The following DDX42 variants were observed in gnomAD, a reference collection of about 807,000 sequenced individuals.
DDX42 encodes the protein DEAD-box helicase 42.
DDX42 carries 22 observed loss-of-function variants against 101.5 expected under a neutral mutation model. That is an observed-to-expected ratio of 0.22 (90% CI 0.15 to 0.31). The LOEUF is 0.31. Among genes scored for constraint, DDX42 ranks in the 10% least tolerant of loss-of-function variants. The probability of loss-of-function intolerance (pLI) is 1.00; values close to 1 mark genes in which losing one functional copy is unlikely to be tolerated. For missense variants in DDX42, 849 were observed against 1,199.9 expected (o/e 0.71, Z 4.32); for synonymous variants, 402 against 401.2 (o/e 1.00, Z -0.02).
At position 63,817,891 on chromosome 17, in the gene DDX42, C is replaced by G. The variant is rs755679052; in HGVS notation, c.2310C>G (p.Gly770=). 5.6e-6 allele frequency: 9 copies of G among 1,614,204 alleles called. No homozygotes were observed. The highest frequency in any genetic ancestry group is 6.8e-6 in the Non-Finnish European group (8 of 1,180,030). Residue 770 remains glycine, a synonymous_variant, in exon 18 of 18, where the codon GGC becomes GGG. Transcript: ENST00000389924. The stretch of plus-strand genomic sequence containing the variant: ...GCATCCCAGGCTTTGGCAATACTGG[C>G]AACATCAGTGGTGCCCCTGTGACCT... ...AKGIPGFGNT[G]NISGAPVTYP... is the part of the protein sequence containing the mutation.
chr17:63,803,136 A>G (rs537728569), intron 6 of DDX42, among the ~76,000 whole-genome samples: 10 of 152,356 alleles, frequency 6.6e-5, no homozygotes, highest in Admixed American at 1.3e-4. Context: ...ATGACATTAC[A>G]AAGTCAAGCA....
intron 12 of DDX42, 26 bp from the exon 13 acceptor site, chr17:63,811,050 C>G: frequency 6.3e-7 from 1 of 1,595,900 alleles, no homozygotes; most frequent in Non-Finnish European, 8.6e-7. Flanking sequence ...TATTGTTTCT[C>G]TAACAGAATT....
chr17:63,787,234 T>C lies in DDX42; in HGVS notation c.185T>C (p.Ile62Thr). The part of the protein sequence containing the change: ...APPQLPSFYK[I>T]GSKRANFDEE... ...CCACAGCTTCCTTCTTTCTACAAAA[T>C]TGGATCTAAGCGGGCCAACTTTGAT... The change falls in exon 2 of 18, where the codon ATT becomes ACT. Residue 62 changes from isoleucine to threonine, a missense_variant. Coordinates refer to ENST00000389924, the MANE Select transcript of DDX42 (RefSeq NM_203499.3). The C allele has an allele frequency of 6.2e-7, 1 of 1,614,192 alleles. No homozygotes were observed. Among genetic ancestry groups the C allele is most frequent in the African/African-American group, 1.3e-5 (1 of 75,056 alleles).
intron 1 of DDX42, among the ~76,000 whole-genome samples, chr17:63,785,321 A>G (rs948351084): frequency 3.3e-5 from 5 of 151,908 alleles, no homozygotes; most frequent in African/African-American, 1.2e-4. Flanking sequence ...GTGGTGGTGC[A>G]CACTTGTAAT....
intron 1 of DDX42, among the ~76,000 whole-genome samples, chr17:63,780,626 G>A (rs962290124): frequency 1.3e-5 from 2 of 152,292 alleles, no homozygotes; most frequent in South Asian, 4.1e-4. Flanking sequence ...CCTAGAGTCA[G>A]TAATTGAGGG....
intron 3 of DDX42, among the ~76,000 whole-genome samples, chr17:63,793,669 G>A (rs759960535): frequency 6.6e-6 from 1 of 151,646 alleles, no homozygotes; most frequent in Non-Finnish European, 1.5e-5. Flanking sequence ...TGTTATTGTC[G>A]CACCCAAAAA....
At chr17:63,776,427 A>T (rs997965572) in intron 1 of DDX42, 1 of 152,308 alleles carries the variant, frequency 6.6e-6, no homozygotes, top group Non-Finnish European at 1.5e-5. Flanking sequence ...GTGATCTCTG[A>T]CATCTTCAGT....
rs559930952 is a variant in DDX42, at chr17:63,818,440, TAGAA to T, written c.*46_*49del. 4.7e-5 allele frequency: 74 copies of T among 1,566,354 alleles called. No individual in the cohort carries two copies. In the African/African-American group the frequency reaches 8.4e-4, roughly 18 times the overall value. ...CGTGAAATCAGTTGTCCTTAATTTT[TAGAA>T]AGATTTTGGTAACTAGGTGTCTCAG... On this transcript the variant is annotated 3_prime_UTR_variant, in exon 18 of 18. Transcript: ENST00000389924.
intron 4 of DDX42, 101 bp from the exon 5 acceptor site, chr17:63,799,488 G>T: frequency 7.8e-7 from 1 of 1,289,348 alleles, no homozygotes; most frequent in Non-Finnish European, 1.1e-6. Context: ...AGTGTTGAGA[G>T]TTCCTGTGCT....
At chr17:63,775,583 G>A in intron 1 of DDX42, among the ~76,000 whole-genome samples, 1 of 152,158 alleles carries the variant, frequency 6.6e-6, no homozygotes, top group East Asian at 1.9e-4. Flanking sequence ...GAGAGCCTAC[G>A]TTTATCTGGG....
chr17:63,784,507 G>A (rs1455992851), intron 1 of DDX42, among the ~76,000 whole-genome samples: 1 of 152,206 alleles, frequency 6.6e-6, no homozygotes, highest in African/African-American at 2.4e-5. Context: ...AGGCAAGGTG[G>A]TGTGAGTCAT....
At chr17:63,789,545 ACTTTTT>A (rs1401726516) in intron 2 of DDX42, among the ~76,000 whole-genome samples, 2 of 74,756 alleles carry the variant, frequency 2.7e-5, no homozygotes, top group South Asian at 4.5e-4. Context: ...CTTCTAAAAG[ACTTTTT>A]TGTTTTTGTT....
At chr17:63,777,879 A>G (rs1021577068) in intron 1 of DDX42, among the ~76,000 whole-genome samples, 15 of 152,218 alleles carry the variant, frequency 9.9e-5, no homozygotes, top group Non-Finnish European at 1.5e-5. Context: ...AAGGGGATCC[A>G]GTTAGAGGGA....
intron 3 of DDX42, among the ~76,000 whole-genome samples, chr17:63,795,793 C>A (rs898995499): frequency 6.6e-6 from 1 of 152,176 alleles, no homozygotes; most frequent in African/African-American, 2.4e-5. Flanking sequence ...AATTTGCCAT[C>A]TTTGATTTAT....
intron 6 of DDX42, among the ~76,000 whole-genome samples, chr17:63,803,118 A>T (rs1367876402): frequency 6.6e-6 from 1 of 152,196 alleles, no homozygotes; most frequent in African/African-American, 2.4e-5. Context: ...TTTCCAAATG[A>T]TCAATGTATG....
chr17:63,787,206 C>T lies in DDX42; in HGVS notation c.157C>T (p.Pro53Ser), dbSNP rs143333200. The T allele has an allele frequency of 6.2e-6, 10 of 1,614,072 alleles. No homozygotes were observed. The South Asian group carries it at 6.6e-5, about 11-fold the overall frequency. Residue 53 changes from proline (P) to serine (S), a missense_variant, in exon 2 of 18, where the codon CCA becomes TCA. Physicochemically the swap from Pro to Ser is moderately conservative, Grantham distance 74. Around this residue, in one of 5 missense-constraint regions of DDX42, gnomAD observed 92 missense variants for 106.7 expected, o/e 0.86. Coordinates refer to ENST00000389924, the MANE Select transcript of DDX42 (RefSeq NM_203499.3). ...SSSSGFGKSA[P>S]PQLPSFYKIG... is the part of the protein sequence containing the mutation. The stretch of plus-strand genomic sequence containing the variant: ...TTCTTCTGGATTTGGAAAGTCAGCT[C>T]CACCACAGCTTCCTTCTTTCTACAA...
intron 1 of DDX42, among the ~76,000 whole-genome samples, chr17:63,779,320 T>C (rs2039458588): frequency 1.3e-5 from 2 of 152,048 alleles, no homozygotes; most frequent in South Asian, 2.1e-4. Context: ...CTGGAGTGCA[T>C]TGGCATGATC....
Position 63,774,216 on chromosome 17 carries a change from T to C in DDX42, c.-177T>C, listed in dbSNP as rs1050727498. ...ACGGGCCGTGAGGCGGTGGCGGTGG[T>C]GGCGGTGGCGGCGGCGGTGGTGGTG... On this transcript the variant is annotated 5_prime_UTR_variant, in exon 1 of 18. Coordinates refer to ENST00000389924, the MANE Select transcript of DDX42 (RefSeq NM_203499.3). The C allele has an allele frequency of 3.2e-5, 7 of 217,234 alleles. No individual in the cohort carries two copies. The highest frequency in any genetic ancestry group is 2.5e-4 in the African/African-American group (5 of 20,032). The allele number at this position is 217,234 out of a possible 1,614,324, so 13.5% of individuals were successfully genotyped here.
At chr17:63,779,954 T>C (rs9906247) in intron 1 of DDX42, among the ~76,000 whole-genome samples, 106,568 of 152,070 alleles carry the variant, frequency 0.7, 38,784 homozygotes, top group African/African-American at 0.92. Flanking sequence ...CTCCCACAAA[T>C]CTCTGTGATT....
Sources: allele counts gnomAD v4.1 joint callset (sites outside exome capture counted in the v4.1 genomes callset), GRCh38; gene constraint gnomAD v4.1.1; regional missense constraint gnomAD v4.1.1; transcripts MANE v1.5; gene names NCBI Gene and HGNC (gene_info 2026-07-23, HGNC 2026-07-21).